The following EFCAB3 variants were observed in gnomAD, a reference collection of about 807,000 sequenced individuals.
EFCAB3 encodes the protein EF-hand calcium binding domain 3, also known as EF-hand calcium-binding domain-containing protein 3.
In EFCAB3, 36 loss-of-function variants were observed where a neutral mutation model predicts 42.2. The ratio of observed to expected loss-of-function variants is 0.85; its 90% CI spans 0.65 to 1.13. The LOEUF is 1.13. Among genes scored for constraint, EFCAB3 ranks in the 50% most tolerant of loss-of-function variants. The pLI, the probability that EFCAB3 is intolerant of heterozygous loss-of-function variation, is 0.00. For missense variants in EFCAB3, 418 were observed against 505.1 expected, an observed-to-expected ratio of 0.83 and a Z score of 1.65; for synonymous variants, 170 against 172.8, an observed-to-expected ratio of 0.98 and a Z score of 0.13.
At chr17:62,398,025 C>CAAAA (rs34957895) in intron 6 of EFCAB3, 148 of 93,572 alleles carry the variant, frequency 1.6e-3, no homozygotes, top group South Asian at 5.9e-3. Context: ...GACTCCATCT[C>CAAAA]AAAAAAAAAA....
chr17:62,412,300 C>T (rs1416380862), intron 8 of EFCAB3, among the ~76,000 whole-genome samples: 6 of 142,042 alleles, frequency 4.2e-5, no homozygotes, highest in East Asian at 2.1e-4. Context: ...CACTTGAACC[C>T]GGGAGGCAAA....
chr17:62,386,218 C>A (rs1598008818), intron 2 of EFCAB3, among the ~76,000 whole-genome samples: 1 of 151,908 alleles, frequency 6.6e-6, no homozygotes, highest in South Asian at 2.1e-4. Flanking sequence ...ATATTATAAG[C>A]AAACTCAGTT....
At chr17:62,413,932 C>T (rs2070522090) in intron 9 of EFCAB3, 78 bp downstream of exon 9, 7 of 1,458,700 alleles carry the variant, frequency 4.8e-6, no homozygotes, top group Admixed American at 4.3e-5. Context: ...ACCATAAAAC[C>T]AAGAGAATTT....
intron 1 of EFCAB3, 74 bp downstream of exon 1, chr17:62,380,687 T>C (rs964925624): frequency 2.6e-6 from 2 of 776,430 alleles, no homozygotes; most frequent in Admixed American, 1.2e-4. Flanking sequence ...GAATTGAAGG[T>C]ATTTTTTTAA....
intron 3 of EFCAB3, among the ~76,000 whole-genome samples, chr17:62,389,285 C>A (rs2070282434): frequency 6.6e-6 from 1 of 152,078 alleles, no homozygotes; most frequent in Non-Finnish European, 1.5e-5. Context: ...GTGGAGAAGG[C>A]AGGTGGTTGA....
intron 1 of EFCAB3, chr17:62,381,922 G>T: frequency 3.0e-6 from 1 of 337,440 alleles, no homozygotes; most frequent in Non-Finnish European, 6.1e-6. Context: ...CCTGCTGCTG[G>T]TTCCACCCCC....
intron 3 of EFCAB3, among the ~76,000 whole-genome samples, chr17:62,390,756 T>G (rs1349895405): frequency 6.6e-6 from 1 of 152,218 alleles, no homozygotes; most frequent in African/African-American, 2.4e-5. Context: ...CCTTTTACAT[T>G]ACACACTTAC....
intron 6 of EFCAB3, among the ~76,000 whole-genome samples, chr17:62,406,246 A>G (rs1416074217): frequency 6.6e-6 from 1 of 152,122 alleles, no homozygotes; most frequent in East Asian, 1.9e-4. Flanking sequence ...GCCTTGGGGA[A>G]AAAAGGAGAC....
At chr17:62,409,804 A>G in intron 8 of EFCAB3, among the ~76,000 whole-genome samples, 1 of 152,018 alleles carries the variant, frequency 6.6e-6, no homozygotes, top group East Asian at 1.9e-4. Flanking sequence ...TACAAATATT[A>G]TAATATACTA....
intron 2 of EFCAB3, among the ~76,000 whole-genome samples, chr17:62,375,221 C>A (rs1328495324): frequency 6.6e-6 from 1 of 152,108 alleles, no homozygotes; most frequent in African/African-American, 2.4e-5. Context: ...GGTACCCATG[C>A]CTAATATTTC....
At chr17:62,405,169 C>T (rs959748953) in intron 6 of EFCAB3, among the ~76,000 whole-genome samples, 2 of 152,166 alleles carry the variant, frequency 1.3e-5, no homozygotes, top group African/African-American at 4.8e-5. Context: ...AAAACTGAGT[C>T]TTGAAGGACC....
chr17:62,406,457 C>A, intron 6 of EFCAB3, 23 bp from the exon 7 acceptor site: 1 of 1,553,136 alleles, frequency 6.4e-7, no homozygotes, highest in Non-Finnish European at 8.7e-7. Context: ...GTATCCATTT[C>A]TGAATTACTT....
Position 62,371,399 on chromosome 17 carries a change from A to T in EFCAB3, c.34+1077A>T, listed in dbSNP as rs8074351. On this transcript the variant is annotated intron_variant, in intron 1 of 11. Coordinates refer to the EFCAB3 transcript ENST00000450662. ...GTGAAACCCCGTCTCTACTAAAAAT[A>T]AAAAAAAAATTAGCCGGGCTTGGTG... 3.0e-5 allele frequency among the ~76,000 whole-genome samples: 3 copies of T among 99,228 alleles called. No homozygotes were observed. In the South Asian group the frequency reaches 8.9e-4, roughly 29 times the overall value. 65.1% of individuals were successfully genotyped at this position (99,228 alleles called of 152,430 possible). A position where few individuals can be genotyped will look rare whatever the true frequency, so the allele number is the denominator to read the frequency against.
upstream of EFCAB3, chr17:62,378,002 T>G (rs186566856): frequency 3.0e-5 from 46 of 1,549,948 alleles, no homozygotes; most frequent in East Asian, 1.1e-3. Context: ...AGTTGAAAAC[T>G]GCAAATGATA....
At chr17:62,402,837 A>G (rs2070415624) in intron 6 of EFCAB3, among the ~76,000 whole-genome samples, 1 of 152,038 alleles carries the variant, frequency 6.6e-6, no homozygotes, top group Non-Finnish European at 1.5e-5. Flanking sequence ...CTCTTTTTCT[A>G]TTGATTGGAA....
intron 8 of EFCAB3, among the ~76,000 whole-genome samples, chr17:62,412,482 G>C (rs547710177): frequency 6.6e-6 from 1 of 150,448 alleles, no homozygotes. Flanking sequence ...TGTTGTTGTT[G>C]AGACAGGGTC....
Position 62,407,175 on chromosome 17 carries a change from A to G in EFCAB3, c.830A>G (p.Glu277Gly). The G allele has an allele frequency of 6.3e-7, 1 of 1,597,658 alleles. No individual in the cohort carries two copies. Among genetic ancestry groups the G allele is most frequent in the Non-Finnish European group, 8.5e-7 (1 of 1,175,496 alleles). Residue 277 changes from glutamate (E) to glycine (G), a missense_variant, in exon 8 of 10, where the codon GAG becomes GGG. Glu to Gly is a moderately conservative substitution (Grantham distance 98). Coordinates refer to ENST00000305286, the MANE Select transcript of EFCAB3 (RefSeq NM_173503.4). ...ATAAAGGAGCCTTTGCATTTCTTTG[A>G]GGATTATTTTTTCCATAAAAGAGAC... Reference protein sequence around the residue: ...LRIKEPLHFFEDYFFHKRDWK... With the variant: ...LRIKEPLHFFGDYFFHKRDWK...
chr17:62,382,859 G>A, intron 1 of EFCAB3, 104 bp from the exon 2 acceptor site: 1 of 890,528 alleles, frequency 1.1e-6, no homozygotes. Flanking sequence ...ATTTCTTGAG[G>A]CCCTAGACTT....
At chr17:62,376,573 T>C (rs2144048161), upstream of EFCAB3, among the ~76,000 whole-genome samples, 1 of 152,316 alleles carries the variant, frequency 6.6e-6, no homozygotes, top group South Asian at 2.1e-4. Flanking sequence ...GATTTAAGTC[T>C]TCACACTCAA....
Sources: allele counts gnomAD v4.1 joint callset (sites outside exome capture counted in the v4.1 genomes callset), GRCh38; gene constraint gnomAD v4.1.1; transcripts MANE v1.5; gene names NCBI Gene and HGNC (gene_info 2026-07-23, HGNC 2026-07-21).